Variants in COL23A1 observed in about 807,000 individuals in gnomAD.
The protein encoded by COL23A1 is collagen type XXIII alpha 1 chain.
Under a neutral mutation model 99.3 loss-of-function variants are expected in COL23A1, and 97 were observed. That is an observed-to-expected ratio of 0.98 (90% CI 0.83 to 1.16). The LOEUF (loss-of-function observed/expected upper bound fraction) is 1.16. COL23A1 is among the 50% of genes most tolerant of loss of function. The probability of loss-of-function intolerance (pLI) is 0.00; values close to 1 mark genes in which losing one functional copy is unlikely to be tolerated. For synonymous variants in COL23A1, 320 were observed against 308.2 expected, an observed-to-expected ratio of 1.04 and a Z score of -0.40; for missense variants, 762 against 757.4, an observed-to-expected ratio of 1.01 and a Z score of -0.07.
intron 2 of COL23A1, among the ~76,000 whole-genome samples, chr5:178,461,265 A>AG (rs1380580353): frequency 6.6e-6 from 1 of 152,204 alleles, no homozygotes; most frequent in Non-Finnish European, 1.5e-5. Context: ...CAGCCTGGCC[A>AG]TGTCCTGGTG....
intron 1 of COL23A1, among the ~76,000 whole-genome samples, chr5:178,584,258 C>T (rs1327408037): frequency 1.2e-4 from 18 of 152,032 alleles, no homozygotes; most frequent in Non-Finnish European, 1.3e-4. Context: ...GATCCACCCA[C>T]TTCGGCCTCC....
chr5:178,579,471 T>G (rs1424960064), intron 1 of COL23A1, among the ~76,000 whole-genome samples: 1 of 152,204 alleles, frequency 6.6e-6, no homozygotes, highest in African/African-American at 2.4e-5. Context: ...TTGTTTGTTT[T>G]GAGACGGAGT....
rs34594012 is a variant in COL23A1, at chr5:178,560,739, C to T, written c.304G>A (p.Gly102Arg). Residue 102 changes from glycine (G) to arginine (R), a missense_variant, in exon 2 of 29, where the codon GGA becomes AGA. Coordinates refer to ENST00000390654, the MANE Select transcript of COL23A1 (RefSeq NM_173465.4). ...CGAGCAGTCCGGATCTTCGCTAGTC[C>T]GTCCAACTTCTGAGCCGGAAAAAAA... The part of the protein sequence containing the change: ...LERLLREKLD[G>R]LAKIRTAREA... The T allele has an allele frequency of 0.093, 149,567 of 1,609,112 alleles. 8,146 individuals are homozygous for T. The highest frequency in any genetic ancestry group is 0.21 in the Middle Eastern group (1,239 of 6,014).
intron 2 of COL23A1, among the ~76,000 whole-genome samples, chr5:178,452,460 G>A (rs1332462453): frequency 6.6e-6 from 1 of 152,106 alleles, no homozygotes; most frequent in Non-Finnish European, 1.5e-5. Context: ...TCTAATCCAG[G>A]AACCATAAGA....
intron 2 of COL23A1, among the ~76,000 whole-genome samples, chr5:178,484,429 C>T (rs1038037339): frequency 2.6e-5 from 4 of 152,196 alleles, no homozygotes; most frequent in African/African-American, 9.6e-5. Context: ...AGTTAGCTGT[C>T]CCCTCATCCT....
chr5:178,298,061 T>A (rs1216407681), intron 3 of COL23A1, among the ~76,000 whole-genome samples: 3 of 152,210 alleles, frequency 2.0e-5, no homozygotes, highest in African/African-American at 7.2e-5. Context: ...GTCCAGCCCT[T>A]CTGCGCACGG....
chr5:178,423,044 G>T (rs1192491559), intron 2 of COL23A1, among the ~76,000 whole-genome samples: 2 of 152,086 alleles, frequency 1.3e-5, no homozygotes, highest in African/African-American at 2.4e-5. Context: ...ATAGCTCACT[G>T]CAGCCTGGAA....
At chr5:178,249,260 TCC>T in intron 18 of COL23A1, 54 bp from the exon 19 acceptor site, 1 of 1,551,966 alleles carries the variant, frequency 6.4e-7, no homozygotes, top group Non-Finnish European at 8.9e-7. Context: ...CCCTCCCTTC[TCC>T]CCCCAGCAGG....
rs1581422587 is a variant in COL23A1 at position 178,238,359 on chromosome 5, A to G, written c.*339T>C. 3 of 318,214 alleles carry G rather than the reference A, an allele frequency of 9.4e-6. No homozygotes were observed. The highest frequency in any genetic ancestry group is 1.8e-5 in the Non-Finnish European group (3 of 168,548). 19.7% of individuals were successfully genotyped at this position (318,214 alleles called of 1,614,324 possible). Reference sequence around the variant, plus strand: ...TTGCGGGGGCAGGTTCTTACAGGGCAGTACCACAGCTGAGAGTCTCTCTGC... The same window carrying G: ...TTGCGGGGGCAGGTTCTTACAGGGCGGTACCACAGCTGAGAGTCTCTCTGC... On this transcript the variant is annotated 3_prime_UTR_variant, in exon 29 of 29. Coordinates refer to ENST00000390654, the MANE Select transcript of COL23A1 (RefSeq NM_173465.4).
rs1764141730 is a variant in COL23A1, at chr5:178,589,169, G to A, written c.294+735C>T. Among the ~76,000 whole-genome samples the A allele has an allele frequency of 6.6e-6, 1 of 152,166 alleles. No homozygotes were observed. The highest frequency in any genetic ancestry group is 2.4e-5 in the African/African-American group (1 of 41,438). On this transcript the variant is annotated intron_variant, in intron 1 of 28. Coordinates refer to ENST00000390654, the MANE Select transcript of COL23A1 (RefSeq NM_173465.4). The surrounding 1 kb of genome is among the most constrained non-coding windows in gnomAD (Gnocchi z 5.4). ...TTAGAAGTGTCACAGAGCCTCATAT[G>A]AGCTTTCAAGTAAGCTGTGGAAGTC...
chr5:178,561,919 G>A, intron 1 of COL23A1: 1 of 329,256 alleles, frequency 3.0e-6, no homozygotes, highest in Non-Finnish European at 6.1e-6. Context: ...TCCAGCCACC[G>A]GAAAGGCGCT....
intron 2 of COL23A1, among the ~76,000 whole-genome samples, chr5:178,490,719 G>C (rs149473677): frequency 1.8e-3 from 270 of 152,282 alleles, no homozygotes; most frequent in African/African-American, 6.0e-3. Flanking sequence ...TGAGACTGCA[G>C]TGAGCTATCA....
At chr5:178,502,121 G>A (rs1311742018) in intron 2 of COL23A1, among the ~76,000 whole-genome samples, 1 of 152,188 alleles carries the variant, frequency 6.6e-6, no homozygotes, top group Admixed American at 6.5e-5. Context: ...CATATGGTAA[G>A]TAGCAAACAA....
In COL23A1 at chr5:178,307,050, C is replaced by T. The variant is rs941957776; in HGVS notation, c.362-131G>A. On this transcript the variant is annotated intron_variant, in intron 2 of 28. Coordinates refer to ENST00000390654, the MANE Select transcript of COL23A1 (RefSeq NM_173465.4). This position sits in a 1 kb window ranked among gnomAD's most constrained non-coding sequence, Gnocchi z 4.2. Reference sequence around the variant, plus strand: ...GGAGTGGCCTGCCCGAGGGGGTCTGCTGGCTGTGGAGGGGGAGATGCGTGG... The same window carrying T: ...GGAGTGGCCTGCCCGAGGGGGTCTGTTGGCTGTGGAGGGGGAGATGCGTGG... 1.7e-6 allele frequency: 1 copy of T among 584,256 alleles called. No homozygotes were observed. 36.2% of individuals were successfully genotyped at this position (584,256 alleles called of 1,614,324 possible).
chr5:178,249,985 G>GCACA (rs5873601), intron 18 of COL23A1, 76 bp downstream of exon 18: 606 of 1,307,696 alleles, frequency 4.6e-4, no homozygotes, highest in African/African-American at 4.1e-3. Context: ...ACATGCACAC[G>GCACA]CACACACACA....
chr5:178,555,277 T>C (rs1762206722), intron 2 of COL23A1, among the ~76,000 whole-genome samples: 2 of 152,182 alleles, frequency 1.3e-5, no homozygotes, highest in South Asian at 4.1e-4. Flanking sequence ...TCTGAAGCCC[T>C]GAGGGTTAGG....
Position 178,384,487 on chromosome 5 carries a change from GC to G in COL23A1, c.362-77569del, listed in dbSNP as rs1203300889. On this transcript the variant is annotated intron_variant, in intron 2 of 28. Coordinates refer to ENST00000390654, the MANE Select transcript of COL23A1 (RefSeq NM_173465.4). The surrounding 1 kb of genome is among the most constrained non-coding windows in gnomAD (Gnocchi z 5.5). Reference sequence around the variant, plus strand: ...CCACCCCTCCCTCGGCTTTTTGGAGGCCACGTGGACGGCGCTGAGTGCATCC... The same window carrying G: ...CCACCCCTCCCTCGGCTTTTTGGAGGCACGTGGACGGCGCTGAGTGCATCC... 6.6e-6 allele frequency among the ~76,000 whole-genome samples: 1 copy of G among 152,146 alleles called. No individual in the cohort carries two copies. The highest frequency in any genetic ancestry group is 1.5e-5 in the Non-Finnish European group (1 of 68,032).
intron 2 of COL23A1, among the ~76,000 whole-genome samples, chr5:178,337,702 T>C (rs1760421122): frequency 6.6e-6 from 1 of 152,130 alleles, no homozygotes; most frequent in Non-Finnish European, 1.5e-5. Context: ...AGGCTTCCTC[T>C]GTCCCCAGAG....
At chr5:178,455,238 T>C (rs1027265325) in intron 2 of COL23A1, among the ~76,000 whole-genome samples, 1 of 152,184 alleles carries the variant, frequency 6.6e-6, no homozygotes, top group Non-Finnish European at 1.5e-5. Flanking sequence ...GGGTCACCGA[T>C]GAAGGCGTGA....
Sources: gnomAD v4.1 joint callset for allele counts (sites outside exome capture counted in the v4.1 genomes callset) on GRCh38, gnomAD v4.1.1 for gene constraint, Gnocchi (gnomAD v3.1) non-coding constraint, MANE v1.5 for transcripts, NCBI Gene and HGNC (gene_info 2026-07-23, HGNC 2026-07-21) for gene names.